The following GAD2 variants were observed in gnomAD, a reference collection of about 807,000 sequenced individuals.
GAD2 encodes 65 kDa glutamic acid decarboxylase.
Under a neutral mutation model 80.1 loss-of-function variants are expected in GAD2, and 22 were observed. The ratio of observed to expected loss-of-function variants is 0.27; its 90% CI spans 0.20 to 0.39. GAD2 has a LOEUF of 0.39. Among genes scored for constraint, GAD2 ranks in the 10% least tolerant of loss-of-function variants. The pLI is 1.00. For missense variants in GAD2, 624 were observed against 738.4 expected (o/e 0.85, Z 1.80); for synonymous variants, 274 against 256.9 (o/e 1.07, Z -0.64).
chr10:26,245,277 A>C (rs559114088), intron 7 of GAD2, among the ~76,000 whole-genome samples: 6 of 152,188 alleles, frequency 3.9e-5, no homozygotes, highest in Admixed American at 2.6e-4. Flanking sequence ...TGCTGGGCTT[A>C]ATACCTAGGT....
At chr10:26,261,749 TTCTTC>T (rs1355661103) in intron 8 of GAD2, among the ~76,000 whole-genome samples, 6 of 152,172 alleles carry the variant, frequency 3.9e-5, no homozygotes, top group African/African-American at 1.4e-4. Context: ...ATTCTTTTGT[TTCTTC>T]TCTTCTCTTC....
Position 26,301,515 on chromosome 10 carries a change from A to G in GAD2, c.*554A>G, listed in dbSNP as rs529061699. On this transcript the variant is annotated 3_prime_UTR_variant, in exon 16 of 16. Transcript: ENST00000376261. ...CCTATTTTGTAACATATAGATTTTTATTTTATATAGGTTATACAAACTGCG... is the reference window on the plus strand; with the variant it reads ...CCTATTTTGTAACATATAGATTTTTGTTTTATATAGGTTATACAAACTGCG... 1 of 152,252 alleles carries G rather than the reference A, an allele frequency of 6.6e-6. No individual in the cohort carries two copies. Among genetic ancestry groups the G allele is most frequent in the Admixed American group, 6.5e-5 (1 of 15,298 alleles). 9.4% of individuals were successfully genotyped at this position (152,252 alleles called of 1,614,324 possible). A position where few individuals can be genotyped will look rare whatever the true frequency, so the allele number is the denominator to read the frequency against.
Position 26,281,036 on chromosome 10 carries a change from C to T in GAD2, c.1185C>T (p.His395=). The T allele has an allele frequency of 1.2e-6, 2 of 1,613,806 alleles. No individual in the cohort carries two copies. The highest frequency in any genetic ancestry group is 1.7e-6 in the Non-Finnish European group (2 of 1,179,790). ...CCAACTCTGTGACGTGGAATCCACA[C>T]AAGATGATGGGAGTCCCTTTGCAGT... ...ERANSVTWNP[H]KMMGVPLQCS... The change falls in exon 12 of 16, where the codon CAC becomes CAT. Residue 395 remains histidine (H), a synonymous_variant. Transcript: ENST00000376261.
chr10:26,232,622 G>A (rs1445150393), intron 7 of GAD2, among the ~76,000 whole-genome samples: 1 of 151,926 alleles, frequency 6.6e-6, no homozygotes, highest in Non-Finnish European at 1.5e-5. Flanking sequence ...CTCAGCCTCT[G>A]GAGTAGAGTA....
rs116622772 is a variant in GAD2 at position 26,283,237 on chromosome 10, A to G, written c.1236+2150A>G. 2.8e-3 allele frequency among the ~76,000 whole-genome samples: 433 copies of G among 152,374 alleles called. 1 individual carries two copies. The highest frequency in any genetic ancestry group is 9.8e-3 in the African/African-American group (408 of 41,598). ...TATTCACGGACTGTTTGAGTAAAAC[A>G]TAGAAGCTTATTAATGTTTCAGATG... On this transcript the variant is annotated intron_variant, in intron 12 of 15. Transcript: ENST00000376261.
intron 15 of GAD2, among the ~76,000 whole-genome samples, chr10:26,296,839 T>TCCTTACA (rs1280817008): frequency 5.2e-4 from 79 of 152,320 alleles, no homozygotes; most frequent in Non-Finnish European, 9.8e-4. Flanking sequence ...AGCCTGGACT[T>TCCTTACA]ATATTTAATA....
At chr10:26,238,654 C>T (rs966630436) in intron 7 of GAD2, among the ~76,000 whole-genome samples, 1 of 152,228 alleles carries the variant, frequency 6.6e-6, no homozygotes, top group African/African-American at 2.4e-5. Context: ...AGATCCACAT[C>T]ACCTGCGAAT....
intron 15 of GAD2, among the ~76,000 whole-genome samples, chr10:26,294,987 A>T (rs1326694136): frequency 4.6e-5 from 7 of 152,230 alleles, no homozygotes; most frequent in African/African-American, 1.7e-4. Flanking sequence ...GGCCAGAAAG[A>T]GAATCCATGG....
intron 10 of GAD2, among the ~76,000 whole-genome samples, chr10:26,272,278 C>T (rs1397394108): frequency 6.6e-6 from 1 of 152,190 alleles, no homozygotes; most frequent in African/African-American, 2.4e-5. Flanking sequence ...TGACCTGGGC[C>T]TCAGGACTGG....
intron 8 of GAD2, among the ~76,000 whole-genome samples, chr10:26,247,553 G>C (rs1281160327): frequency 6.6e-6 from 1 of 152,114 alleles, no homozygotes; most frequent in African/African-American, 2.4e-5. Flanking sequence ...AGAGGCATGG[G>C]GGAGGGGCAG....
intron 8 of GAD2, among the ~76,000 whole-genome samples, chr10:26,264,510 C>T (rs1248329927): frequency 2.0e-5 from 3 of 151,990 alleles, no homozygotes; most frequent in African/African-American, 7.2e-5. Flanking sequence ...CGGGGTTTCA[C>T]TGTGTTAGCC....
At chr10:26,267,596 C>G (rs1474755342) in intron 8 of GAD2, among the ~76,000 whole-genome samples, 2 of 152,108 alleles carry the variant, frequency 1.3e-5, no homozygotes, top group East Asian at 3.9e-4. Context: ...ACTGTAATGC[C>G]CCTTTTTCCA....
At chr10:26,267,174 CT>C (rs768582541) in intron 8 of GAD2, among the ~76,000 whole-genome samples, 47 of 152,256 alleles carry the variant, frequency 3.1e-4, no homozygotes, top group African/African-American at 1.1e-3. Context: ...AGGTGTTTAG[CT>C]TTTGGTAAAG....
chr10:26,251,814 C>G (rs1162432976), intron 8 of GAD2, among the ~76,000 whole-genome samples: 1 of 152,160 alleles, frequency 6.6e-6, no homozygotes. Flanking sequence ...GCATCTTTGA[C>G]TCTATATTGA....
At chr10:26,238,027 C>A (rs1844696589) in intron 7 of GAD2, among the ~76,000 whole-genome samples, 1 of 151,790 alleles carries the variant, frequency 6.6e-6, no homozygotes, top group South Asian at 2.1e-4. Context: ...CACACACACA[C>A]ACACACACAC....
chr10:26,264,214 T>G (rs746262646), intron 8 of GAD2, among the ~76,000 whole-genome samples: 4 of 152,136 alleles, frequency 2.6e-5, no homozygotes, highest in Non-Finnish European at 5.9e-5. Context: ...TACTATTATC[T>G]TATAAATGAG....
At position 26,302,908 on chromosome 10, in the gene GAD2, GC is replaced by G. The variant is rs1834342821; in HGVS notation, c.*1949del. ...CTTCCATTCTAGGCTTTGTCTAATG[GC>G]CAAGCATTAGACAAAGCATTAGAAA... On this transcript the variant is annotated 3_prime_UTR_variant, in exon 16 of 16. Coordinates refer to ENST00000376261, the MANE Select transcript of GAD2 (RefSeq NM_001134366.2). The G allele has an allele frequency of 6.6e-6, 1 of 152,102 alleles. No individual in the cohort carries two copies. 9.4% of individuals were successfully genotyped at this position (152,102 alleles called of 1,614,324 possible).
At position 26,296,233 on chromosome 10, in the gene GAD2, C is replaced by G. The variant is rs559468852; in HGVS notation, c.1584+3242C>G. On this transcript the variant is annotated intron_variant, in intron 15 of 15. Transcript: ENST00000376261. Reference sequence around the variant, plus strand: ...AATCACCTACCAAAGGCCCTATCTCCTAATATCATCACATTGAGGGGTTAA... The same window carrying G: ...AATCACCTACCAAAGGCCCTATCTCGTAATATCATCACATTGAGGGGTTAA... Among the ~76,000 whole-genome samples, 8 of 152,254 alleles carry G rather than the reference C, an allele frequency of 5.3e-5. No homozygotes were observed. In the East Asian group the frequency reaches 1.5e-3, roughly 29 times the overall value.
At chr10:26,268,038 A>G (rs7072137) in intron 8 of GAD2, among the ~76,000 whole-genome samples, 23,986 of 152,214 alleles carry the variant, frequency 0.16, 2,707 homozygotes, top group African/African-American at 0.32. Context: ...TGCCAATAGC[A>G]TCCCACAACC....
Sources: allele counts gnomAD v4.1 joint callset (sites outside exome capture counted in the v4.1 genomes callset), GRCh38; gene constraint gnomAD v4.1.1; transcripts MANE v1.5; gene names NCBI Gene and HGNC (gene_info 2026-07-23, HGNC 2026-07-21).